The following ANXA8 variants were observed in gnomAD, a reference collection of about 807,000 sequenced individuals.
The protein encoded by ANXA8 is annexin A8.
A neutral mutation model predicts 26.8 loss-of-function variants in ANXA8; 9 were observed. The observed-to-expected ratio is 0.34, with a 90% confidence interval of 0.20 to 0.59. The LOEUF (loss-of-function observed/expected upper bound fraction) is 0.59, where lower values mean the gene tolerates loss of function less well. Ranked by LOEUF, ANXA8 falls within the 20% of genes least tolerant of loss-of-function variation. ANXA8 has a pLI of 0.84. For synonymous variants in ANXA8, 39 were observed against 94.8 expected (o/e 0.41, Z 3.42); for missense variants, 83 against 238.5 (o/e 0.35, Z 4.29).
the ANXA8 span, among the ~76,000 whole-genome samples, chr10:47,587,210 A>C: frequency 1.4e-5 from 2 of 147,398 alleles, no homozygotes; most frequent in African/African-American, 2.6e-5. Context: ...TCTCAAAAAA[A>C]AAAAAAATAA....
the ANXA8 span, among the ~76,000 whole-genome samples, chr10:47,726,514 AATTGTG>A: frequency 1.4e-3 from 212 of 152,236 alleles, no homozygotes; most frequent in African/African-American, 5.0e-3. Flanking sequence ...AGTAACTTGA[AATTGTG>A]ATTGTGAAAT....
the ANXA8 span, chr10:47,502,458 C>T: frequency 6.2e-7 from 1 of 1,612,754 alleles, no homozygotes; most frequent in South Asian, 1.1e-5. Context: ...CCCTCGTGGA[C>T]TTTATTGAGG....
chr10:47,765,737 C>T, the ANXA8 span, among the ~76,000 whole-genome samples: 2 of 148,944 alleles, frequency 1.3e-5, no homozygotes, highest in Non-Finnish European at 3.0e-5. Flanking sequence ...CCTCTCAGCT[C>T]TTCAGATTCC....
At chr10:47,563,749 C>T in the ANXA8 span, 2 of 826,776 alleles carry the variant, frequency 2.4e-6, no homozygotes. Context: ...AAACATGTTA[C>T]TGTTAAGATG....
At chr10:47,552,800 A>G in the ANXA8 span, among the ~76,000 whole-genome samples, 2 of 151,976 alleles carry the variant, frequency 1.3e-5, no homozygotes, top group South Asian at 2.1e-4. Context: ...ATTCCGTTTA[A>G]TAAATGTTTG....
chr10:47,522,121 T>C, the ANXA8 span, among the ~76,000 whole-genome samples: 2 of 146,576 alleles, frequency 1.4e-5, no homozygotes, highest in African/African-American at 5.1e-5. Context: ...AACAAGATGC[T>C]ATTGTCAGGA....
chr10:47,699,603 G>A, the ANXA8 span, among the ~76,000 whole-genome samples: 1 of 151,176 alleles, frequency 6.6e-6, no homozygotes, highest in Non-Finnish European at 1.5e-5. Context: ...AAAGTGGGTG[G>A]ACAGCTTGAG....
the ANXA8 span, chr10:47,589,462 T>C: frequency 6.8e-4 from 99 of 146,380 alleles, 21 homozygotes; most frequent in African/African-American, 2.5e-3. Context: ...CCGTGGGGAC[T>C]TTTCCAGCTC....
the ANXA8 span, among the ~76,000 whole-genome samples, chr10:47,683,412 T>A: frequency 6.6e-6 from 1 of 151,762 alleles, no homozygotes; most frequent in Non-Finnish European, 1.5e-5. Flanking sequence ...GTATTTTTAG[T>A]AGAGACGGGG....
chr10:47,765,803 C>A, the ANXA8 span, among the ~76,000 whole-genome samples: 1 of 150,842 alleles, frequency 6.6e-6, no homozygotes, highest in South Asian at 2.1e-4. Flanking sequence ...CTCCCATTCT[C>A]ATCCCCCCCA....
At chr10:47,596,076 G>A in the ANXA8 span, among the ~76,000 whole-genome samples, 2 of 132,870 alleles carry the variant, frequency 1.5e-5, no homozygotes, top group Non-Finnish European at 3.1e-5. Flanking sequence ...TTGGACCGCA[G>A]TAGAATAAAA....
At chr10:47,562,644 C>T in the ANXA8 span, among the ~76,000 whole-genome samples, 1 of 59,496 alleles carries the variant, frequency 1.7e-5, no homozygotes, top group African/African-American at 7.7e-5. Flanking sequence ...CAGTGGGCAT[C>T]GCCACTTTCT....
intron 11 of ANXA8, among the ~76,000 whole-genome samples, chr10:47,469,141 A>G (rs1196599885): frequency 2.0e-5 from 3 of 148,412 alleles, no homozygotes; most frequent in African/African-American, 7.5e-5. Flanking sequence ...ATTGATGTGG[A>G]AAATGAATCA....
chr10:47,573,778 C>T, the ANXA8 span, among the ~76,000 whole-genome samples: 2 of 135,454 alleles, frequency 1.5e-5, no homozygotes, highest in Non-Finnish European at 3.2e-5. Context: ...TTTTTGTTGT[C>T]CTTGTTGACT....
At chr10:47,960,634 A>T in the ANXA8 span, among the ~76,000 whole-genome samples, 1 of 149,482 alleles carries the variant, frequency 6.7e-6, no homozygotes, top group Non-Finnish European at 1.5e-5. Context: ...TATACAAATT[A>T]TAATTATATG....
chr10:47,717,997 CAAAAAAAAAAAA>C, the ANXA8 span, among the ~76,000 whole-genome samples: 12 of 55,498 alleles, frequency 2.2e-4, no homozygotes, highest in African/African-American at 1.0e-3. Context: ...TACTCTGTCT[CAAAAAAAAAAAA>C]AAAAAAAAAA....
At chr10:47,529,005 C>T in the ANXA8 span, among the ~76,000 whole-genome samples, 1 of 141,968 alleles carries the variant, frequency 7.0e-6, no homozygotes, top group East Asian at 2.7e-4. Flanking sequence ...TTGGATAATT[C>T]TTGTAGACTT....
chr10:47,568,057 C>T, the ANXA8 span: 489 of 672,966 alleles, frequency 7.3e-4, 4 homozygotes, highest in East Asian at 4.7e-3. Flanking sequence ...TTTTTTGACA[C>T]AGAGTCTTGC....
chr10:47,728,605 ACT>A, the ANXA8 span, among the ~76,000 whole-genome samples: 1 of 100,568 alleles, frequency 9.9e-6, no homozygotes, highest in Non-Finnish European at 2.0e-5. Flanking sequence ...TTTTCCAGTA[ACT>A]GTTAGGGTAG....
Sources: gnomAD v4.1 joint callset for allele counts (sites outside exome capture counted in the v4.1 genomes callset) on GRCh38, gnomAD v4.1.1 for gene constraint, MANE v1.5 for transcripts, NCBI Gene and HGNC (gene_info 2026-07-23, HGNC 2026-07-21) for gene names.